Variants in DAAM1 observed in about 807,000 individuals in gnomAD.
DAAM1 encodes dishevelled associated activator of morphogenesis 1, also known as disheveled-associated activator of morphogenesis 1.
Under a neutral mutation model 130.0 loss-of-function variants are expected in DAAM1, and 52 were observed. The ratio of observed to expected loss-of-function variants is 0.40; its 90% CI spans 0.32 to 0.50. DAAM1 has a LOEUF of 0.50. DAAM1 is among the 20% of genes least tolerant of loss of function. The pLI is 0.61. For missense variants in DAAM1, 1,134 were observed against 1,303.8 expected (o/e 0.87, Z 2.01); for synonymous variants, 452 against 444.5 (o/e 1.02, Z -0.21).
intron 3 of DAAM1, among the ~76,000 whole-genome samples, chr14:59,299,298 C>A (rs147231621): frequency 9.9e-4 from 151 of 152,212 alleles, no homozygotes; most frequent in Middle Eastern, 3.4e-3. Flanking sequence ...GGGAGGATAC[C>A]ATTTACTAGT....
chr14:59,195,754 C>T (rs1413644276), intron 1 of DAAM1, among the ~76,000 whole-genome samples: 1 of 152,074 alleles, frequency 6.6e-6, no homozygotes, highest in Non-Finnish European at 1.5e-5. Flanking sequence ...GAGATAGGTT[C>T]TTATATTCTG....
At chr14:59,233,470 A>G (rs1410063450) in intron 1 of DAAM1, among the ~76,000 whole-genome samples, 5 of 152,068 alleles carry the variant, frequency 3.3e-5, no homozygotes, top group African/African-American at 1.2e-4. Flanking sequence ...TCCTTTGCCC[A>G]CTTTTTGATG....
At chr14:59,324,621 G>A (rs1342834773) in intron 8 of DAAM1, among the ~76,000 whole-genome samples, 167 bp downstream of exon 8, 2 of 152,218 alleles carry the variant, frequency 1.3e-5, no homozygotes, top group Non-Finnish European at 2.9e-5. Flanking sequence ...AGACTTTGTT[G>A]ATGAGGGAAG....
At chr14:59,219,003 A>G (rs901273079) in intron 1 of DAAM1, among the ~76,000 whole-genome samples, 2 of 152,202 alleles carry the variant, frequency 1.3e-5, no homozygotes, top group African/African-American at 4.8e-5. Flanking sequence ...AGTTTCAGGT[A>G]AAAGGACAGA....
chr14:59,236,115 T>G (rs957232041), intron 1 of DAAM1, among the ~76,000 whole-genome samples: 1 of 152,202 alleles, frequency 6.6e-6, no homozygotes, highest in Admixed American at 6.5e-5. Context: ...ATTCATTCAT[T>G]TATTTATTTT....
intron 20 of DAAM1, among the ~76,000 whole-genome samples, chr14:59,357,077 A>G (rs1886509428): frequency 6.6e-6 from 1 of 152,254 alleles, no homozygotes; most frequent in South Asian, 2.1e-4. Flanking sequence ...GCAGGGAAGA[A>G]TCAAATGTGT....
At chr14:59,269,215 G>T (rs1882599189) in intron 2 of DAAM1, among the ~76,000 whole-genome samples, 1 of 152,216 alleles carries the variant, frequency 6.6e-6, no homozygotes, top group African/African-American at 2.4e-5. Flanking sequence ...TGCTATGGGA[G>T]TGCTGCTCAA....
At chr14:59,204,395 G>T (rs994447578) in intron 1 of DAAM1, among the ~76,000 whole-genome samples, 1 of 152,226 alleles carries the variant, frequency 6.6e-6, no homozygotes, top group Non-Finnish European at 1.5e-5. Context: ...CACATTGGCA[G>T]TTCACAGTGT....
intron 1 of DAAM1, among the ~76,000 whole-genome samples, chr14:59,212,974 C>G (rs943399231): frequency 6.6e-6 from 1 of 152,106 alleles, no homozygotes; most frequent in East Asian, 1.9e-4. Context: ...GTATATGTAT[C>G]AGACATTCAC....
At chr14:59,297,092 C>T (rs1883984406) in intron 3 of DAAM1, among the ~76,000 whole-genome samples, 1 of 152,164 alleles carries the variant, frequency 6.6e-6, no homozygotes, top group African/African-American at 2.4e-5. Context: ...CCCAAGCCCT[C>T]CCAGTAAAAA....
rs1047727837 is a variant in DAAM1, at chr14:59,272,115, T to C, written c.183+8455T>C. On this transcript the variant is annotated intron_variant, in intron 2 of 24. Coordinates refer to ENST00000360909, the MANE Select transcript of DAAM1 (RefSeq NM_001270520.2). ...ACAATAGTGTCAAAGTATTCAGTTA[T>C]CTGGAAGCCAAAATTCAGAATCTAA... Among the ~76,000 whole-genome samples the C allele has an allele frequency of 1.6e-4, 24 of 152,366 alleles. 1 individual carries two copies. Among genetic ancestry groups the C allele is most frequent in the Admixed American group, 9.1e-4 (14 of 15,306 alleles).
chr14:59,210,053 G>T (rs149556775), intron 1 of DAAM1, among the ~76,000 whole-genome samples: 1 of 152,208 alleles, frequency 6.6e-6, no homozygotes, highest in African/African-American at 2.4e-5. Flanking sequence ...GAGGTGGGAG[G>T]ATTGCTTGCG....
intron 15 of DAAM1, 60 bp from the exon 16 acceptor site, chr14:59,340,014 G>A: frequency 6.9e-7 from 1 of 1,442,508 alleles, no homozygotes; most frequent in Non-Finnish European, 9.7e-7. Context: ...AGGAAAGTGT[G>A]TATCTGAAGT....
In DAAM1 at chr14:59,291,222, A is replaced by G. The variant is rs887360902; in HGVS notation, c.189A>G (p.Glu63=). 5.0e-6 allele frequency: 8 copies of G among 1,609,312 alleles called. No homozygotes were observed. The African/African-American group carries it at 6.7e-5, about 13-fold the overall frequency. ...LDVMFSELVD[E]LDLTDKHREA... Reference sequence around the variant, plus strand: ...ATTATTTTCTTTCTTCTCAGGATGAACTGGACCTCACAGACAAACACAGAG... The same window carrying G: ...ATTATTTTCTTTCTTCTCAGGATGAGCTGGACCTCACAGACAAACACAGAG... Residue 63 remains glutamate, a synonymous_variant, in exon 3 of 25, where the codon GAA becomes GAG. Coordinates refer to ENST00000360909, the MANE Select transcript of DAAM1 (RefSeq NM_001270520.2).
chr14:59,307,376 C>G (rs1594812435), intron 3 of DAAM1, among the ~76,000 whole-genome samples: 1 of 152,098 alleles, frequency 6.6e-6, no homozygotes, highest in Non-Finnish European at 1.5e-5. Context: ...CTCCTTTGAA[C>G]CAGTTGTAAC....
intron 1 of DAAM1, among the ~76,000 whole-genome samples, chr14:59,241,344 A>G (rs1881105375): frequency 6.6e-6 from 1 of 152,224 alleles, no homozygotes. Context: ...AACATCAGCC[A>G]TATGGTTCAG....
intron 5 of DAAM1, among the ~76,000 whole-genome samples, chr14:59,322,633 A>G (rs1227507011): frequency 6.6e-6 from 1 of 152,176 alleles, no homozygotes. Context: ...TTATGAATAT[A>G]TGATCTGTTG....
intron 1 of DAAM1, among the ~76,000 whole-genome samples, chr14:59,251,645 C>T (rs955068542): frequency 2.6e-5 from 4 of 152,066 alleles, no homozygotes; most frequent in African/African-American, 4.8e-5. Context: ...TGTAGCAATA[C>T]CTCCTAGAGC....
chr14:59,326,913 C>T lies in DAAM1; in HGVS notation c.1314-20C>T. ...CCTTTTATATTTTTTGTAATAAATGCTCCTTGAACTCTTACACAGGTTGGT... is the reference window on the plus strand; with the variant it reads ...CCTTTTATATTTTTTGTAATAAATGTTCCTTGAACTCTTACACAGGTTGGT... On this transcript the variant is annotated intron_variant, in intron 11 of 24. Coordinates refer to ENST00000360909, the MANE Select transcript of DAAM1 (RefSeq NM_001270520.2). The T allele has an allele frequency of 6.2e-7, 1 of 1,613,046 alleles. No homozygotes were observed. Among genetic ancestry groups the T allele is most frequent in the South Asian group, 1.1e-5 (1 of 90,992 alleles).
Sources: gnomAD v4.1 joint callset for allele counts (sites outside exome capture counted in the v4.1 genomes callset) on GRCh38, gnomAD v4.1.1 for gene constraint, MANE v1.5 for transcripts, NCBI Gene and HGNC (gene_info 2026-07-23, HGNC 2026-07-21) for gene names.